UBASH3B: variants seen among roughly 807,000 people sequenced by gnomAD.
UBASH3B encodes the protein ubiquitin-associated and SH3 domain-containing protein B.
A neutral mutation model predicts 83.4 loss-of-function variants in UBASH3B; 37 were observed. The ratio of observed to expected loss-of-function variants is 0.44; its 90% CI spans 0.34 to 0.58. UBASH3B has a LOEUF of 0.58. UBASH3B is among the 20% of genes least tolerant of loss of function. UBASH3B has a pLI of 0.01. For missense variants in UBASH3B, 657 were observed against 827.2 expected (o/e 0.79, Z 2.52); for synonymous variants, 304 against 318.3 (o/e 0.96, Z 0.48).
Position 122,804,232 on chromosome 11 carries a change from A to T in UBASH3B, c.1596-2178A>T, listed in dbSNP as rs73617937. ...GGGTGAGAGGTGGGGATGGGGACAG[A>T]AAAAGAGGAGAAAGCTTGCTCCAGA... On this transcript the variant is annotated intron_variant, in intron 11 of 13. Coordinates refer to ENST00000284273, the MANE Select transcript of UBASH3B (RefSeq NM_032873.5). Among the ~76,000 whole-genome samples the T allele has an allele frequency of 4.5e-3, 689 of 152,170 alleles. 3 individuals carry two copies. Among genetic ancestry groups the T allele is most frequent in the African/African-American group, 0.016 (669 of 41,514 alleles).
chr11:122,661,191 G>A (rs936644200), intron 1 of UBASH3B, among the ~76,000 whole-genome samples: 2 of 152,106 alleles, frequency 1.3e-5, no homozygotes, highest in Non-Finnish European at 2.9e-5. Context: ...GAGAATATTT[G>A]AACAATGCCA....
intron 1 of UBASH3B, among the ~76,000 whole-genome samples, chr11:122,728,303 T>C (rs1860780611): frequency 6.6e-6 from 1 of 152,222 alleles, no homozygotes; most frequent in Non-Finnish European, 1.5e-5. Context: ...GGATGCTACT[T>C]GGGAGATACT....
In UBASH3B at chr11:122,783,155, A is replaced by C; in HGVS notation, c.704A>C (p.Asp235Ala). The C allele has an allele frequency of 6.2e-7, 1 of 1,614,168 alleles. No homozygotes were observed. The highest frequency in any genetic ancestry group is 8.5e-7 in the Non-Finnish European group (1 of 1,180,026). ...CTAGAGAAACTGGCCCAGAACATTGACGTCAAGCTAGGGTGTGACTGGGTG... is the reference window on the plus strand; with the variant it reads ...CTAGAGAAACTGGCCCAGAACATTGCCGTCAAGCTAGGGTGTGACTGGGTG... Reference protein sequence around the residue: ...PTLEKLAQNIDVKLGCDWVAT... With the variant: ...PTLEKLAQNIAVKLGCDWVAT... The change falls in exon 5 of 14, where the codon GAC becomes GCC. Residue 235 changes from aspartate to alanine, a missense_variant. Coordinates refer to ENST00000284273, the MANE Select transcript of UBASH3B (RefSeq NM_032873.5).
At chr11:122,780,917 G>A (rs1469824017) in intron 4 of UBASH3B, among the ~76,000 whole-genome samples, 6 of 152,346 alleles carry the variant, frequency 3.9e-5, no homozygotes, top group East Asian at 3.9e-4. Flanking sequence ...GAGCAAGGCC[G>A]CAGTTTGCTC....
intron 1 of UBASH3B, among the ~76,000 whole-genome samples, chr11:122,727,887 C>T (rs942398268): frequency 3.9e-5 from 6 of 152,210 alleles, no homozygotes; most frequent in Non-Finnish European, 8.8e-5. Flanking sequence ...CCCCGCACAG[C>T]TGGGCCAGAT....
chr11:122,780,332 A>G (rs1032559255), intron 4 of UBASH3B, among the ~76,000 whole-genome samples: 1 of 152,202 alleles, frequency 6.6e-6, no homozygotes, highest in African/African-American at 2.4e-5. Flanking sequence ...CAAAGGAATT[A>G]GCTTAAGGGG....
intron 1 of UBASH3B, among the ~76,000 whole-genome samples, chr11:122,675,078 T>C (rs1355047716): frequency 1.3e-5 from 2 of 152,224 alleles, no homozygotes; most frequent in African/African-American, 4.8e-5. Flanking sequence ...ACTGAGTTTA[T>C]TAAACATGCA....
At chr11:122,794,015 A>T (rs1861106716) in intron 6 of UBASH3B, among the ~76,000 whole-genome samples, 1 of 152,144 alleles carries the variant, frequency 6.6e-6, no homozygotes, top group Non-Finnish European at 1.5e-5. Flanking sequence ...GGCAACAGGG[A>T]TCGTAGATTT....
At chr11:122,791,274 A>G (rs1200091682) in intron 6 of UBASH3B, among the ~76,000 whole-genome samples, 1 of 152,200 alleles carries the variant, frequency 6.6e-6, no homozygotes, top group African/African-American at 2.4e-5. Flanking sequence ...GATTTAAACG[A>G]TAACTCTCCC....
chr11:122,663,762 T>A (rs1343155992), intron 1 of UBASH3B, among the ~76,000 whole-genome samples: 2 of 152,262 alleles, frequency 1.3e-5, no homozygotes, highest in Non-Finnish European at 2.9e-5. Context: ...AAGTCTGAAC[T>A]TGTGGCAGCC....
chr11:122,762,071 C>T (rs1232922874), intron 1 of UBASH3B, among the ~76,000 whole-genome samples: 2 of 152,038 alleles, frequency 1.3e-5, no homozygotes, highest in Admixed American at 1.3e-4. Flanking sequence ...GGATTACAGG[C>T]GTGAGCCACC....
intron 1 of UBASH3B, among the ~76,000 whole-genome samples, chr11:122,659,847 C>T (rs189209172): frequency 6.6e-6 from 1 of 152,230 alleles, no homozygotes; most frequent in African/African-American, 2.4e-5. Context: ...CTCTAGTTTC[C>T]CCTATGGGTG....
Position 122,776,238 on chromosome 11 carries a change from A to G in UBASH3B, c.181A>G (p.Thr61Ala). 1.9e-6 allele frequency: 3 copies of G among 1,610,194 alleles called. No individual in the cohort carries two copies. The highest frequency in any genetic ancestry group is 2.5e-6 in the Non-Finnish European group (3 of 1,178,756). Residue 61 changes from threonine (T) to alanine (A), a missense_variant, in exon 2 of 14, where the codon ACG becomes GCG. Around this residue, in one of 3 missense-constraint regions of UBASH3B, gnomAD observed 6 missense variants for 19.9 expected, o/e 0.30. Transcript: ENST00000284273. ...RARAQKALAS[T>A]GGRSVQAACD... Reference sequence around the variant, plus strand: ...TTTCAGACAAAAAGCCTTGGCATCCACGGGAGGAAGAAGTGTTCAGGCAGC... The same window carrying G: ...TTTCAGACAAAAAGCCTTGGCATCCGCGGGAGGAAGAAGTGTTCAGGCAGC...
chr11:122,790,452 A>G (rs1234776352), intron 6 of UBASH3B, among the ~76,000 whole-genome samples: 1 of 152,178 alleles, frequency 6.6e-6, no homozygotes, highest in Non-Finnish European at 1.5e-5. Context: ...TTGCTTTTTC[A>G]GAAATGCTTT....
intron 1 of UBASH3B, among the ~76,000 whole-genome samples, chr11:122,662,926 C>A (rs1329313079): frequency 7.3e-5 from 11 of 151,582 alleles, no homozygotes; most frequent in Non-Finnish European, 1.6e-4. Flanking sequence ...TAATTATAAC[C>A]CCTTGCACAC....
chr11:122,697,024 A>AG (rs1863973330), intron 1 of UBASH3B, among the ~76,000 whole-genome samples: 1 of 152,210 alleles, frequency 6.6e-6, no homozygotes, highest in African/African-American at 2.4e-5. Context: ...GTTTGTTCAT[A>AG]GCAAAGAAAA....
chr11:122,789,483 G>C (rs1226506426), intron 6 of UBASH3B, among the ~76,000 whole-genome samples, 175 bp downstream of exon 6: 1 of 152,148 alleles, frequency 6.6e-6, no homozygotes, highest in Non-Finnish European at 1.5e-5. Flanking sequence ...GGATTGCTCT[G>C]CTTCCCTCTG....
At chr11:122,702,060 G>A (rs906064834) in intron 1 of UBASH3B, among the ~76,000 whole-genome samples, 1 of 152,096 alleles carries the variant, frequency 6.6e-6, no homozygotes, top group Non-Finnish European at 1.5e-5. Flanking sequence ...GAAGACGACC[G>A]TTTCTTTGAG....
At chr11:122,665,531 C>T (rs533686632) in intron 1 of UBASH3B, among the ~76,000 whole-genome samples, 1 of 152,294 alleles carries the variant, frequency 6.6e-6, no homozygotes, top group African/African-American at 2.4e-5. Context: ...GATGCTCTCA[C>T]TGCTTCATGG....
Sources: allele counts gnomAD v4.1 joint callset (sites outside exome capture counted in the v4.1 genomes callset), GRCh38; gene constraint gnomAD v4.1.1; regional missense constraint gnomAD v4.1.1; transcripts MANE v1.5; gene names NCBI Gene and HGNC (gene_info 2026-07-23, HGNC 2026-07-21).